The following SPIRE1 variants were observed in gnomAD, a reference collection of about 807,000 sequenced individuals.
The protein encoded by SPIRE1 is protein spire homolog 1.
SPIRE1 carries 40 observed loss-of-function variants against 94.1 expected under a neutral mutation model. The observed-to-expected ratio is 0.43, with a 90% CI of 0.33 to 0.55. The LOEUF (loss-of-function observed/expected upper bound fraction) is 0.55. SPIRE1 is among the 20% of genes least tolerant of loss of function. SPIRE1 has a pLI of 0.06. For synonymous variants in SPIRE1, 376 were observed against 371.7 expected (o/e 1.01, Z -0.13); for missense variants, 838 against 975.2 (o/e 0.86, Z 1.87).
At chr18:12,641,722 G>A (rs1432833675) in intron 1 of SPIRE1, among the ~76,000 whole-genome samples, 1 of 151,596 alleles carries the variant, frequency 6.6e-6, no homozygotes, top group Non-Finnish European at 1.5e-5. Flanking sequence ...TCAATGAACA[G>A]AACTTCAAAA....
chr18:12,584,582 A>G (rs2036342335), intron 2 of SPIRE1, among the ~76,000 whole-genome samples: 1 of 152,224 alleles, frequency 6.6e-6, no homozygotes, highest in Non-Finnish European at 1.5e-5. Context: ...GGCAGCCAGA[A>G]TTACAAGGTG....
chr18:12,454,259 TG>T, intron 13 of SPIRE1, 86 bp downstream of exon 13: 1 of 1,502,068 alleles, frequency 6.7e-7, no homozygotes, highest in Non-Finnish European at 9.2e-7. Context: ...CTGTGCCACC[TG>T]GCTAGCAGAT....
chr18:12,468,938 C>T (rs147401690), intron 10 of SPIRE1, among the ~76,000 whole-genome samples: 303 of 152,094 alleles, frequency 2.0e-3, no homozygotes, highest in African/African-American at 6.6e-3. Flanking sequence ...GTGGTGCACA[C>T]CTATGGTCCT....
At chr18:12,459,574 C>G (rs535051970) in intron 12 of SPIRE1, among the ~76,000 whole-genome samples, 1 of 152,336 alleles carries the variant, frequency 6.6e-6, no homozygotes, top group Admixed American at 6.5e-5. Flanking sequence ...TTGTCCTTTC[C>G]CAGTTATTTC....
chr18:12,547,975 T>C (rs2035222172), intron 2 of SPIRE1, among the ~76,000 whole-genome samples: 1 of 152,140 alleles, frequency 6.6e-6, no homozygotes, highest in Admixed American at 6.5e-5. Flanking sequence ...AGCCAAAGAA[T>C]TAAAATTAAA....
intron 2 of SPIRE1, among the ~76,000 whole-genome samples, chr18:12,610,402 C>T (rs1370116310): frequency 6.6e-6 from 1 of 152,098 alleles, no homozygotes; most frequent in Non-Finnish European, 1.5e-5. Flanking sequence ...CCCTACCATC[C>T]ATTGATCTTA....
At position 12,603,085 on chromosome 18, in the gene SPIRE1, T is replaced by A. The variant is rs935269561; in HGVS notation, c.372+31977A>T. On this transcript the variant is annotated intron_variant, in intron 2 of 16. Transcript: ENST00000409402. ...CTTAGCCTAGCCTACCTTAAACAGG[T>A]TCATAACACTTAAGTTAGCCCATGG... 3.9e-5 allele frequency among the ~76,000 whole-genome samples: 6 copies of A among 152,124 alleles called. No individual in the cohort carries two copies. The South Asian group carries it at 1.2e-3, about 32-fold the overall frequency.
chr18:12,553,079 G>A (rs1443471290), intron 2 of SPIRE1, among the ~76,000 whole-genome samples: 1 of 152,140 alleles, frequency 6.6e-6, no homozygotes, highest in African/African-American at 2.4e-5. Context: ...CAATACCCAG[G>A]TAGTACGCCA....
Position 12,657,754 on chromosome 18 carries a change from T to C in SPIRE1, c.113A>G (p.Asp38Gly), listed in dbSNP as rs1166156051. 6 of 1,355,412 alleles carry C rather than the reference T, an allele frequency of 4.4e-6. No individual in the cohort carries two copies. The Admixed American group carries it at 1.1e-4, about 25-fold the overall frequency. 84.0% of individuals were successfully genotyped at this position (1,355,412 alleles called of 1,614,324 possible). The change falls in exon 1 of 17, where the codon GAC becomes GGC. Residue 38 changes from aspartate (D) to glycine (G), a missense_variant. Transcript: ENST00000409402. ...CAGGATCTCCTCCAGGCTCAGCGCG[T>C]CCCGGGAGCCCCCGGCCGCGCCGCC... The part of the protein sequence containing the change: ...AAGGAAGGSR[D>G]ALSLEEILRL...
chr18:12,516,740 T>C (rs2034207257), intron 4 of SPIRE1, among the ~76,000 whole-genome samples: 1 of 152,168 alleles, frequency 6.6e-6, no homozygotes, highest in African/African-American at 2.4e-5. Context: ...CAAAATATAT[T>C]CAATCCAAAC....
chr18:12,558,300 G>GT (rs2035578483), intron 2 of SPIRE1, among the ~76,000 whole-genome samples: 1 of 152,080 alleles, frequency 6.6e-6, no homozygotes, highest in Non-Finnish European at 1.5e-5. Context: ...GGCATGTCTG[G>GT]AGTTGTTCGT....
intron 2 of SPIRE1, among the ~76,000 whole-genome samples, chr18:12,615,327 C>CAAAAAAAAAAAA (rs1234229698): frequency 0.04 from 87 of 2,184 alleles, 22 homozygotes; most frequent in Admixed American, 0.068. Context: ...AACTCTGTCT[C>CAAAAAAAAAAAA]AAAAAAAAAA....
At chr18:12,601,747 A>AT (rs1397445170) in intron 2 of SPIRE1, among the ~76,000 whole-genome samples, 2 of 151,958 alleles carry the variant, frequency 1.3e-5, no homozygotes, top group East Asian at 1.9e-4. Flanking sequence ...TTGTCTCTGG[A>AT]TTTTTTCACA....
chr18:12,631,549 A>C (rs796610688), intron 2 of SPIRE1, among the ~76,000 whole-genome samples: 2 of 16,310 alleles, frequency 1.2e-4, no homozygotes, highest in Non-Finnish European at 3.0e-4. Context: ...CCATCTCTAC[A>C]AAAAAAAAAA....
intron 3 of SPIRE1, among the ~76,000 whole-genome samples, chr18:12,538,106 C>G (rs2034895700): frequency 6.6e-6 from 1 of 152,134 alleles, no homozygotes. Flanking sequence ...GGATACACAG[C>G]TAGTCAATGG....
chr18:12,571,789 C>T (rs1210038611), intron 2 of SPIRE1, among the ~76,000 whole-genome samples: 3 of 152,138 alleles, frequency 2.0e-5, no homozygotes, highest in Middle Eastern at 3.2e-3. Context: ...AGACATTTCC[C>T]AAGAGCAAAG....
chr18:12,483,310 A>G (rs764565274), intron 9 of SPIRE1, among the ~76,000 whole-genome samples: 1 of 151,992 alleles, frequency 6.6e-6, no homozygotes, highest in Non-Finnish European at 1.5e-5. Flanking sequence ...TTGAATGAAT[A>G]AATTATCATT....
At chr18:12,472,367 C>CTTTT (rs964687204) in intron 10 of SPIRE1, among the ~76,000 whole-genome samples, 2 of 135,018 alleles carry the variant, frequency 1.5e-5, no homozygotes, top group Non-Finnish European at 3.2e-5. Context: ...ATGCCCTGTG[C>CTTTT]TTTTTTTTTT....
At chr18:12,560,623 G>A (rs186857319) in intron 2 of SPIRE1, among the ~76,000 whole-genome samples, 3 of 152,298 alleles carry the variant, frequency 2.0e-5, no homozygotes. Context: ...TGCCAAGGCG[G>A]GCGGATCACT....
Sources: allele counts gnomAD v4.1 joint callset (sites outside exome capture counted in the v4.1 genomes callset), GRCh38; gene constraint gnomAD v4.1.1; transcripts MANE v1.5; gene names NCBI Gene and HGNC (gene_info 2026-07-23, HGNC 2026-07-21).